The following MAGI1 variants were observed in gnomAD, a reference collection of about 807,000 sequenced individuals.
The protein encoded by MAGI1 is membrane-associated guanylate kinase, WW and PDZ domain-containing protein 1.
In MAGI1, 58 loss-of-function variants were observed where a neutral mutation model predicts 139.9. The observed-to-expected ratio is 0.41, with a 90% CI of 0.34 to 0.52. The LOEUF is 0.52. MAGI1 is among the 20% of genes least tolerant of loss of function. The pLI is 0.12. For missense variants in MAGI1, 1,874 were observed against 1,901.6 expected (o/e 0.99, Z 0.27); for synonymous variants, 812 against 737.9 (o/e 1.10, Z -1.63).
chr3:66,022,151 T>C (rs560280225), intron 1 of MAGI1, among the ~76,000 whole-genome samples: 10 of 152,332 alleles, frequency 6.6e-5, no homozygotes, highest in African/African-American at 2.4e-4. Flanking sequence ...AGCTGTCTTA[T>C]TCCCATTAAT....
chr3:65,691,036 G>A (rs2088581313), intron 1 of MAGI1, among the ~76,000 whole-genome samples: 2 of 152,084 alleles, frequency 1.3e-5, no homozygotes, highest in African/African-American at 2.4e-5. Flanking sequence ...GGGTGTGGTG[G>A]CTCAGGCCTG....
chr3:65,594,723 A>C (rs1483483230), intron 2 of MAGI1, among the ~76,000 whole-genome samples: 6 of 152,350 alleles, frequency 3.9e-5, no homozygotes, highest in Non-Finnish European at 7.3e-5. Flanking sequence ...AATGGTGATT[A>C]CTAAATGAAC....
chr3:65,961,968 A>C (rs1211842217), intron 1 of MAGI1, among the ~76,000 whole-genome samples: 1 of 152,132 alleles, frequency 6.6e-6, no homozygotes, highest in Admixed American at 6.5e-5. Flanking sequence ...CTTTGGAAAA[A>C]GCTATTTCCA....
chr3:65,595,941 GT>G (rs2082174873), intron 2 of MAGI1, among the ~76,000 whole-genome samples: 1 of 152,134 alleles, frequency 6.6e-6, no homozygotes, highest in African/African-American at 2.4e-5. Context: ...GACTGCTTCT[GT>G]TTGCTCAGTT....
intron 1 of MAGI1, among the ~76,000 whole-genome samples, chr3:65,964,727 T>C (rs1421281411): frequency 6.6e-6 from 1 of 152,194 alleles, no homozygotes; most frequent in Non-Finnish European, 1.5e-5. Context: ...TGCACACCTT[T>C]GTCTCCCTGA....
At position 65,707,673 on chromosome 3, in the gene MAGI1, G is replaced by C. The variant is rs141020457; in HGVS notation, c.314-85585C>G. Among the ~76,000 whole-genome samples the C allele has an allele frequency of 4.2e-3, 574 of 136,744 alleles. 2 individuals are homozygous for C. Among genetic ancestry groups the C allele is most frequent in the Non-Finnish European group, 6.7e-3 (439 of 65,196 alleles). 89.7% of individuals were successfully genotyped at this position (136,744 alleles called of 152,430 possible). ...TCACTGCACGGCAAACTGGGTGACA[G>C]AGTGATACCCTATCTCAAAAAAAAA... On this transcript the variant is annotated intron_variant, in intron 1 of 22. Transcript: ENST00000402939.
intron 2 of MAGI1, among the ~76,000 whole-genome samples, chr3:65,615,952 T>C (rs2106988968): frequency 6.6e-6 from 1 of 152,370 alleles, no homozygotes; most frequent in South Asian, 2.1e-4. Flanking sequence ...GATTTCTATG[T>C]ACACAGTTTG....
At chr3:65,921,656 C>T (rs1243108353) in intron 1 of MAGI1, among the ~76,000 whole-genome samples, 1 of 152,068 alleles carries the variant, frequency 6.6e-6, no homozygotes, top group Non-Finnish European at 1.5e-5. Flanking sequence ...GGAATAACCT[C>T]CAATCAATAC....
At position 65,437,138 on chromosome 3, in the gene MAGI1, A is replaced by G. The variant is rs759873306; in HGVS notation, c.1363+17T>C. The stretch of plus-strand genomic sequence containing the variant: ...TGAGCTAAAACCATGACACAATTAG[A>G]AAGACAAGTACTTTACCCTGAAGTG... On this transcript the variant is annotated intron_variant, in intron 10 of 22. Transcript: ENST00000402939. The G allele has an allele frequency of 6.5e-7, 1 of 1,543,198 alleles. No individual in the cohort carries two copies. Among genetic ancestry groups the G allele is most frequent in the East Asian group, 2.3e-5 (1 of 44,160 alleles).
chr3:65,726,722 G>A (rs1369664793), intron 1 of MAGI1, among the ~76,000 whole-genome samples: 2 of 152,044 alleles, frequency 1.3e-5, no homozygotes, highest in Non-Finnish European at 2.9e-5. Flanking sequence ...AAACACTGAC[G>A]CCCTCAGCTC....
chr3:65,898,259 T>C (rs1189551050), intron 1 of MAGI1, among the ~76,000 whole-genome samples: 1 of 152,242 alleles, frequency 6.6e-6, no homozygotes, highest in Non-Finnish European at 1.5e-5. Flanking sequence ...TAACATCGAA[T>C]TTTTATTCAT....
chr3:65,927,712 G>A (rs1016234647), intron 1 of MAGI1, among the ~76,000 whole-genome samples: 1 of 152,068 alleles, frequency 6.6e-6, no homozygotes, highest in African/African-American at 2.4e-5. Context: ...CTGTGGAAAG[G>A]GACTGTGGTT....
intron 2 of MAGI1, among the ~76,000 whole-genome samples, chr3:65,588,385 A>G (rs1373793929): frequency 2.0e-5 from 3 of 152,188 alleles, no homozygotes; most frequent in Non-Finnish European, 4.4e-5. Flanking sequence ...TATTAATAAC[A>G]AAAAGAAAAA....
intron 5 of MAGI1, among the ~76,000 whole-genome samples, chr3:65,466,387 G>A (rs115000819): frequency 0.012 from 1,810 of 152,158 alleles, 36 homozygotes; most frequent in African/African-American, 0.04. Flanking sequence ...TAATATGGCC[G>A]AAAAGAGGAA....
chr3:65,854,576 T>C (rs553637268), intron 1 of MAGI1, among the ~76,000 whole-genome samples: 22 of 152,364 alleles, frequency 1.4e-4, no homozygotes, highest in Admixed American at 2.6e-4. Context: ...TGGATAACTT[T>C]GCAATATGTT....
chr3:65,366,861 AT>A (rs1941465101), intron 18 of MAGI1, among the ~76,000 whole-genome samples: 1 of 152,178 alleles, frequency 6.6e-6, no homozygotes, highest in African/African-American at 2.4e-5. Context: ...TAATGACGCT[AT>A]TTTAACAGCA....
intron 1 of MAGI1, among the ~76,000 whole-genome samples, chr3:65,683,661 T>G (rs1259603869): frequency 3.6e-5 from 3 of 83,238 alleles, no homozygotes; most frequent in Non-Finnish European, 8.2e-5. Context: ...GAATAGGATA[T>G]ATATATATAT....
At chr3:65,929,499 T>C (rs1484631975) in intron 1 of MAGI1, among the ~76,000 whole-genome samples, 1 of 152,020 alleles carries the variant, frequency 6.6e-6, no homozygotes, top group East Asian at 1.9e-4. Context: ...CATGCCCAGC[T>C]AATTTTTGTA....
At chr3:65,625,274 GC>G (rs1559731966) in intron 1 of MAGI1, among the ~76,000 whole-genome samples, 3 of 152,154 alleles carry the variant, frequency 2.0e-5, no homozygotes, top group African/African-American at 7.2e-5. Flanking sequence ...TTATATGTAA[GC>G]TATACCAATA....
Sources: gnomAD v4.1 joint callset for allele counts (sites outside exome capture counted in the v4.1 genomes callset) on GRCh38, gnomAD v4.1.1 for gene constraint, MANE v1.5 for transcripts, NCBI Gene and HGNC (gene_info 2026-07-23, HGNC 2026-07-21) for gene names.